Variants in FGF12 observed in about 807,000 individuals in gnomAD.
The protein encoded by FGF12 is fibroblast growth factor 12B.
Under a neutral mutation model 23.6 loss-of-function variants are expected in FGF12, and 14 were observed. That is an observed-to-expected ratio of 0.59 (90% confidence interval 0.39 to 0.93). The LOEUF is 0.93. FGF12 is among the 40% of genes least tolerant of loss of function. The probability of loss-of-function intolerance (pLI) is 0.00; values close to 1 mark genes in which losing one functional copy is unlikely to be tolerated. For missense variants in FGF12, 175 were observed against 217.8 expected (o/e 0.80, Z 1.24); for synonymous variants, 62 against 77.3 (o/e 0.80, Z 1.04).
chr3:192,464,567 CATTG>C lies in FGF12; in HGVS notation c.14-104033_14-104030del, dbSNP rs528700276. On this transcript the variant is annotated intron_variant, in intron 2 of 5. Transcript: ENST00000445105. The stretch of plus-strand genomic sequence containing the variant: ...GTGTATGACATTTTCTTTATGCACT[CATTG>C]ATTGATGGGCATTTGGGCTGGTTCC... Among the ~76,000 whole-genome samples the C allele has an allele frequency of 2.2e-4, 33 of 149,698 alleles. No individual in the cohort carries two copies. The East Asian group carries it at 6.1e-3, about 28-fold the overall frequency.
chr3:192,374,417 T>TA (rs1343893275), intron 2 of FGF12, among the ~76,000 whole-genome samples: 1 of 152,234 alleles, frequency 6.6e-6, no homozygotes, highest in East Asian at 1.9e-4. Flanking sequence ...AACATCTATA[T>TA]GTACCACGTA....
At chr3:192,534,652 A>T (rs1165526914) in intron 2 of FGF12, among the ~76,000 whole-genome samples, 1 of 152,170 alleles carries the variant, frequency 6.6e-6, no homozygotes, top group Non-Finnish European at 1.5e-5. Flanking sequence ...TTGGCCTCCC[A>T]AAGTGCTGGG....
At chr3:192,548,562 T>G (rs971848161) in intron 2 of FGF12, among the ~76,000 whole-genome samples, 2 of 152,154 alleles carry the variant, frequency 1.3e-5, no homozygotes, top group Non-Finnish European at 2.9e-5. Flanking sequence ...TCACCTGTAT[T>G]TTCAGTGACA....
intron 2 of FGF12, among the ~76,000 whole-genome samples, chr3:192,709,843 G>A (rs1411978323): frequency 6.6e-6 from 1 of 152,122 alleles, no homozygotes; most frequent in Admixed American, 6.5e-5. Flanking sequence ...TTACCATATT[G>A]CATCTTGAAC....
chr3:192,403,184 C>T (rs1427292555), intron 2 of FGF12, among the ~76,000 whole-genome samples: 1 of 152,104 alleles, frequency 6.6e-6, no homozygotes, highest in African/African-American at 2.4e-5. Context: ...AAGCCCAGGA[C>T]TTTTTAAAAT....
chr3:192,229,167 TA>T (rs948044556), intron 4 of FGF12, among the ~76,000 whole-genome samples: 8 of 148,506 alleles, frequency 5.4e-5, no homozygotes, highest in South Asian at 2.1e-4. Flanking sequence ...AATAAAATTT[TA>T]AAAAAAAAAA....
chr3:192,620,377 A>T (rs1285352081), intron 2 of FGF12, among the ~76,000 whole-genome samples: 2 of 152,152 alleles, frequency 1.3e-5, no homozygotes, highest in African/African-American at 2.4e-5. Context: ...AGTTTGCCAA[A>T]AAGGCTTCCA....
At chr3:192,676,013 C>T (rs1406334861) in intron 2 of FGF12, among the ~76,000 whole-genome samples, 11 of 152,176 alleles carry the variant, frequency 7.2e-5, no homozygotes, top group South Asian at 4.1e-4. Flanking sequence ...TGGAGAGACA[C>T]GCTTTTGACA....
At chr3:192,344,253 C>T (rs1342386838) in intron 3 of FGF12, among the ~76,000 whole-genome samples, 1 of 151,952 alleles carries the variant, frequency 6.6e-6, no homozygotes, top group Non-Finnish European at 1.5e-5. Flanking sequence ...TGTTTTTGTT[C>T]TCATTGTTGT....
intron 4 of FGF12, among the ~76,000 whole-genome samples, chr3:192,229,709 T>A (rs1296749323): frequency 1.3e-5 from 2 of 152,094 alleles, no homozygotes; most frequent in Non-Finnish European, 2.9e-5. Context: ...TTGTAAGTAA[T>A]TTGAATGGTC....
chr3:192,539,026 T>C (rs1725300679), intron 2 of FGF12, among the ~76,000 whole-genome samples: 1 of 152,178 alleles, frequency 6.6e-6, no homozygotes, highest in Admixed American at 6.5e-5. Context: ...TTGATCAATT[T>C]GAATAATTTT....
chr3:192,677,707 G>A (rs1308592198), intron 2 of FGF12, among the ~76,000 whole-genome samples: 1 of 152,164 alleles, frequency 6.6e-6, no homozygotes, highest in Non-Finnish European at 1.5e-5. Flanking sequence ...ATTTTTCAAT[G>A]CAAGCTGCCC....
chr3:192,377,801 C>G (rs1407322167), intron 2 of FGF12, among the ~76,000 whole-genome samples: 1 of 152,052 alleles, frequency 6.6e-6, no homozygotes, highest in African/African-American at 2.4e-5. Flanking sequence ...AATTTTAAAT[C>G]TTAAAGGAAA....
intron 2 of FGF12, among the ~76,000 whole-genome samples, chr3:192,663,462 C>T (rs1419530379): frequency 3.3e-5 from 5 of 152,096 alleles, no homozygotes; most frequent in Non-Finnish European, 5.9e-5. Context: ...CATTCACATG[C>T]CACAGAACAG....
intron 2 of FGF12, among the ~76,000 whole-genome samples, chr3:192,385,686 G>A (rs114428727): frequency 2.0e-4 from 30 of 152,090 alleles, no homozygotes; most frequent in Non-Finnish European, 2.8e-4. Context: ...ATCCACCTCC[G>A]TCTAACAGCC....
intron 2 of FGF12, among the ~76,000 whole-genome samples, chr3:192,459,450 T>C (rs185557191): frequency 6.6e-6 from 1 of 152,368 alleles, no homozygotes; most frequent in East Asian, 1.9e-4. Context: ...TTTGTTATGA[T>C]GCTACATTCA....
intron 4 of FGF12, among the ~76,000 whole-genome samples, chr3:192,210,492 A>G (rs2108677465): frequency 6.6e-6 from 1 of 152,298 alleles, no homozygotes; most frequent in African/African-American, 2.4e-5. Context: ...CTGGAGCTCT[A>G]AGAAGGGTAT....
At chr3:192,573,589 C>T (rs935270497) in intron 2 of FGF12, among the ~76,000 whole-genome samples, 84 of 152,248 alleles carry the variant, frequency 5.5e-4, no homozygotes, top group African/African-American at 1.8e-3. Flanking sequence ...GACACTGGCT[C>T]TGCAGACAGT....
At chr3:192,715,060 G>A (rs1045909464) in intron 2 of FGF12, among the ~76,000 whole-genome samples, 10 of 152,108 alleles carry the variant, frequency 6.6e-5, no homozygotes, top group African/African-American at 1.4e-4. Context: ...GTTCTTGTAC[G>A]TATATCTTGC....
Sources: gnomAD v4.1 joint callset for allele counts (sites outside exome capture counted in the v4.1 genomes callset) on GRCh38, gnomAD v4.1.1 for gene constraint, MANE v1.5 for transcripts, NCBI Gene and HGNC (gene_info 2026-07-23, HGNC 2026-07-21) for gene names.